NIN: variants seen among roughly 807,000 people sequenced by gnomAD.
NIN encodes the protein ninein, also known as glycogen synthase kinase 3 beta-interacting protein.
NIN carries 137 observed loss-of-function variants against 257.6 expected under a neutral mutation model. The observed-to-expected ratio is 0.53, with a 90% CI of 0.46 to 0.61. The LOEUF (loss-of-function observed/expected upper bound fraction) is 0.61, where lower values mean the gene tolerates loss of function less well. Among genes scored for constraint, NIN ranks in the 20% least tolerant of loss-of-function variants. The probability of loss-of-function intolerance (pLI) is 0.00; values close to 1 mark genes in which losing one functional copy is unlikely to be tolerated. For synonymous variants in NIN, 918 were observed against 919.8 expected (o/e 1.00, Z 0.04); for missense variants, 2,439 against 2,501.2 (o/e 0.98, Z 0.53).
chr14:50,783,923 G>A (rs952747134), intron 5 of NIN, among the ~76,000 whole-genome samples: 1 of 151,406 alleles, frequency 6.6e-6, no homozygotes, highest in Non-Finnish European at 1.5e-5. Context: ...GCACTAGAAG[G>A]ACGATTATCA....
At chr14:50,798,747 A>C (rs1372111230) in intron 4 of NIN, among the ~76,000 whole-genome samples, 1 of 152,138 alleles carries the variant, frequency 6.6e-6, no homozygotes, top group African/African-American at 2.4e-5. Flanking sequence ...TTTCTCCTCT[A>C]CATTTAGTGT....
At chr14:50,771,261 C>G (rs2042721201) in intron 10 of NIN, 71 bp downstream of exon 10, 1 of 1,549,764 alleles carries the variant, frequency 6.5e-7, no homozygotes, top group African/African-American at 1.4e-5. Flanking sequence ...GATGTCCATC[C>G]AAGGCATCCG....
At chr14:50,820,232 G>A (rs768749419) in intron 3 of NIN, among the ~76,000 whole-genome samples, 1 of 152,140 alleles carries the variant, frequency 6.6e-6, no homozygotes, top group African/African-American at 2.4e-5. Context: ...AATAGCAAGC[G>A]TCAGAAGCAG....
chr14:50,829,535 T>C (rs1247700804), intron 2 of NIN, among the ~76,000 whole-genome samples: 1 of 152,176 alleles, frequency 6.6e-6, no homozygotes. Flanking sequence ...AAAGCTACCA[T>C]GTCAGTCACA....
At chr14:50,744,050 A>G in intron 23 of NIN, among the ~76,000 whole-genome samples, 193 bp downstream of exon 23, 1 of 152,180 alleles carries the variant, frequency 6.6e-6, no homozygotes, top group East Asian at 1.9e-4. Flanking sequence ...TATAATTAGT[A>G]AACAACTAAT....
intron 3 of NIN, among the ~76,000 whole-genome samples, chr14:50,815,195 G>GA (rs1432680196): frequency 6.6e-6 from 1 of 151,796 alleles, no homozygotes; most frequent in African/African-American, 2.4e-5. Context: ...ACATTTACAA[G>GA]AAAAAAACAA....
rs761991204 is a variant in NIN at position 50,758,638 on chromosome 14, T to C, written c.2400-8A>G. The C allele has an allele frequency of 1.3e-6, 2 of 1,547,346 alleles. No homozygotes were observed. Among genetic ancestry groups the C allele is most frequent in the Admixed American group, 2.1e-5 (1 of 48,210 alleles). ...TCTGTTTCCATTTTTTCCCTAAATATAGTCAACATACAGCATTATTGAAAC... is the reference window on the plus strand; with the variant it reads ...TCTGTTTCCATTTTTTCCCTAAATACAGTCAACATACAGCATTATTGAAAC... On this transcript the variant is annotated splice_region_variant and splice_polypyrimidine_tract_variant and intron_variant, in intron 17 of 30. Coordinates refer to ENST00000530997, the MANE Select transcript of NIN (RefSeq NM_020921.4).
At chr14:50,734,482 G>A (rs1319528584) in intron 28 of NIN, among the ~76,000 whole-genome samples, 1 of 152,118 alleles carries the variant, frequency 6.6e-6, no homozygotes, top group Admixed American at 6.6e-5. Context: ...GTTCTTCTCT[G>A]CCTTACATAA....
At chr14:50,830,024 G>A (rs543250686) in intron 2 of NIN, among the ~76,000 whole-genome samples, 1 of 152,242 alleles carries the variant, frequency 6.6e-6, no homozygotes, top group African/African-American at 2.4e-5. Context: ...CATCGACCCC[G>A]CACACCTCCA....
rs760727018 is a variant in NIN at position 50,738,177 on chromosome 14, T to A, written c.5738A>T (p.Asp1913Val). ...AGGAGATTGTTCTTTCTGAAACTGA[T>A]CACACTCTCTCTTTAAGCTCAATTT... ...QEKLSLKREC[D>V]QFQKEQSPAN... The change falls in exon 27 of 31, where the codon GAT (aspartate) becomes GTT (valine). Residue 1913 changes from aspartate (D) to valine (V), a missense_variant. Asp to Val is a radical substitution (Grantham distance 152). Around this residue, in one of 3 missense-constraint regions of NIN, gnomAD observed 2,043 missense variants for 2,050.2 expected, o/e 1.00. Coordinates refer to ENST00000530997, the MANE Select transcript of NIN (RefSeq NM_020921.4). The A allele has an allele frequency of 3.7e-6, 6 of 1,614,188 alleles. No individual in the cohort carries two copies. The Admixed American group carries it at 8.3e-5, about 22-fold the overall frequency.
intron 29 of NIN, 150 bp downstream of exon 29, chr14:50,729,373 G>C (rs989804167): frequency 3.0e-6 from 2 of 676,338 alleles, no homozygotes; most frequent in South Asian, 4.2e-5. Context: ...GGCCTCAAGC[G>C]ATCCTCCCGT....
intron 24 of NIN, among the ~76,000 whole-genome samples, chr14:50,742,596 G>C (rs1566792478): frequency 1.3e-5 from 2 of 151,890 alleles, no homozygotes; most frequent in Admixed American, 1.3e-4. Context: ...GGGTTTCACT[G>C]TGTTAGCCAG....
At chr14:50,729,255 GT>G (rs541953635) in intron 29 of NIN, among the ~76,000 whole-genome samples, 1,416 of 133,440 alleles carry the variant, frequency 0.011, 18 homozygotes, top group African/African-American at 0.032. Flanking sequence ...TTGTGATTTT[GT>G]TTTTTTTTTT....
At position 50,757,550 on chromosome 14, in the gene NIN, C is replaced by T. The variant is rs1244592583; in HGVS notation, c.3480G>A (p.Thr1160=). Residue 1160 remains threonine, a synonymous_variant, in exon 18 of 31, where the codon ACG becomes ACA. Transcript: ENST00000530997. ...TGACTTCCTGTCTCTGAACAGAGCT[C>T]GTCCCTGTACTTCCCAGGTCCCGGA... ...DEVRDLGSTG[T]SSVQRQEVKI... is the part of the protein sequence containing the mutation. The T allele has an allele frequency of 4.3e-6, 7 of 1,613,984 alleles. No homozygotes were observed. The highest frequency in any genetic ancestry group is 5.1e-6 in the Non-Finnish European group (6 of 1,180,034).
intron 3 of NIN, among the ~76,000 whole-genome samples, chr14:50,818,964 T>C (rs1311842986): frequency 1.3e-5 from 2 of 152,142 alleles, no homozygotes; most frequent in African/African-American, 4.8e-5. Context: ...AATGTTTGCA[T>C]TCCTGGTTGA....
chr14:50,737,897 G>A (rs958370624), intron 27 of NIN, among the ~76,000 whole-genome samples: 3 of 151,848 alleles, frequency 2.0e-5, no homozygotes, highest in South Asian at 2.1e-4. Context: ...TGCCTGCATC[G>A]GCCTCCCAAA....
At chr14:50,830,648 A>T (rs1190121007) in intron 1 of NIN, 131 bp from the exon 2 acceptor site, 2 of 165,964 alleles carry the variant, frequency 1.2e-5, no homozygotes, top group Non-Finnish European at 2.9e-5. Flanking sequence ...TCATTTCCAT[A>T]TGTAAGGGGC....
At chr14:50,790,806 C>T (rs1424143241) in intron 5 of NIN, among the ~76,000 whole-genome samples, 1 of 152,192 alleles carries the variant, frequency 6.6e-6, no homozygotes, top group Non-Finnish European at 1.5e-5. Context: ...AGGCTCAGGC[C>T]TCAACTCTTA....
Position 50,757,591 on chromosome 14 carries a change from G to C in NIN, c.3439C>G (p.Leu1147Val). The change falls in exon 18 of 31, where the codon CTG (leucine) becomes GTG (valine). Residue 1147 changes from leucine to valine, a missense_variant. Around this residue, in one of 3 missense-constraint regions of NIN, gnomAD observed 2,043 missense variants for 2,050.2 expected, o/e 1.00. Transcript: ENST00000530997. The stretch of plus-strand genomic sequence containing the variant: ...AGGTCCCGGACCTCATCATCTTCCA[G>C]GTCACTTAGGACATGCCGCCTGGTC... ...GVTRRHVLSD[L>V]EDDEVRDLGS... 1 of 1,614,054 alleles carries C rather than the reference G, an allele frequency of 6.2e-7. No homozygotes were observed. The highest frequency in any genetic ancestry group is 8.5e-7 in the Non-Finnish European group (1 of 1,180,018).
Sources: gnomAD v4.1 joint callset for allele counts (sites outside exome capture counted in the v4.1 genomes callset) on GRCh38, gnomAD v4.1.1 for gene constraint, gnomAD v4.1.1 regional missense constraint, MANE v1.5 for transcripts, NCBI Gene and HGNC (gene_info 2026-07-23, HGNC 2026-07-21) for gene names.